The following TSNARE1 variants were observed in gnomAD, a reference collection of about 807,000 sequenced individuals.
TSNARE1 encodes the protein t-SNARE domain containing 1, also known as t-SNARE domain-containing protein 1.
TSNARE1 carries 49 observed loss-of-function variants against 62.0 expected under a neutral mutation model. That is an observed-to-expected ratio of 0.79 (90% CI 0.63 to 1.00). TSNARE1 has a LOEUF of 1.00. Ranked by LOEUF, TSNARE1 falls within the 50% of genes least tolerant of loss-of-function variation. TSNARE1 has a pLI of 0.00. For synonymous variants in TSNARE1, 328 were observed against 294.4 expected (o/e 1.11, Z -1.17); for missense variants, 755 against 700.1 (o/e 1.08, Z -0.88).
intron 1 of TSNARE1, among the ~76,000 whole-genome samples, chr8:142,391,362 G>A (rs185326867): frequency 1.9e-3 from 286 of 150,728 alleles, no homozygotes; most frequent in Middle Eastern, 0.014. Flanking sequence ...TGTAACAGAC[G>A]CTGTACACTG....
Position 142,331,777 on chromosome 8 carries a change from T to G in TSNARE1, c.800A>C (p.Asn267Thr), listed in dbSNP as rs573183661. ...ACCACTGGAGTTGATTCGGAAGACG[T>G]TGGCCGACATCTCCTGGAACAGCTC... is the stretch of plus-strand genomic sequence containing the variant. ...LQELFQEMSANVFRINSSVTS... is the reference protein window; with the variant it reads ...LQELFQEMSATVFRINSSVTS... Residue 267 changes from asparagine (N) to threonine (T), a missense_variant, in exon 5 of 14, where the codon AAC becomes ACC. Coordinates refer to ENST00000524325, the MANE Select transcript of TSNARE1 (RefSeq NM_145003.5). 6.2e-7 allele frequency: 1 copy of G among 1,605,188 alleles called. No individual in the cohort carries two copies. Among genetic ancestry groups the G allele is most frequent in the Non-Finnish European group, 8.5e-7 (1 of 1,176,058 alleles).
chr8:142,352,615 C>G (rs1412097534), intron 2 of TSNARE1, among the ~76,000 whole-genome samples: 1 of 152,286 alleles, frequency 6.6e-6, no homozygotes, highest in Admixed American at 6.5e-5. Context: ...ATCGAAGGAG[C>G]CACAGCCACG....
chr8:142,326,991 G>A (rs1830370275), intron 6 of TSNARE1, among the ~76,000 whole-genome samples: 1 of 152,188 alleles, frequency 6.6e-6, no homozygotes, highest in African/African-American at 2.4e-5. Flanking sequence ...GAGGTGGGGA[G>A]ACAGGAACCC....
intron 1 of TSNARE1, among the ~76,000 whole-genome samples, chr8:142,401,024 C>T (rs967930932): frequency 6.6e-6 from 1 of 152,210 alleles, no homozygotes; most frequent in Non-Finnish European, 1.5e-5. Flanking sequence ...GATGCACCCA[C>T]GCCGTGTCGC....
chr8:142,313,768 T>TTTTTTG (rs1001708876), intron 9 of TSNARE1, among the ~76,000 whole-genome samples: 1 of 152,186 alleles, frequency 6.6e-6, no homozygotes, highest in Non-Finnish European at 1.5e-5. Flanking sequence ...TGTGCCTGTG[T>TTTTTTG]TTTTTGTTTT....
chr8:142,397,704 G>A (rs956508471), intron 1 of TSNARE1, among the ~76,000 whole-genome samples: 1 of 152,170 alleles, frequency 6.6e-6, no homozygotes, highest in African/African-American at 2.4e-5. Flanking sequence ...CTTCCATGCT[G>A]GGGAGGGCTC....
intron 10 of TSNARE1, 30 bp from the exon 11 acceptor site, chr8:142,284,515 A>C (rs778620387): frequency 6.1e-5 from 98 of 1,599,374 alleles, no homozygotes; most frequent in Non-Finnish European, 6.8e-5. Context: ...CCACATCAGG[A>C]GCAGGGCTGT....
rs185095060 is a variant in TSNARE1 at position 142,237,688 on chromosome 8, G to C, written c.1447-8109C>G. On this transcript the variant is annotated intron_variant, in intron 12 of 13. Transcript: ENST00000524325. ...TGCAGACAGCCCCTTCCCAGAGCTCGGACGGGCCATGCTTGGACACTGTCA... is the reference window on the plus strand; with the variant it reads ...TGCAGACAGCCCCTTCCCAGAGCTCCGACGGGCCATGCTTGGACACTGTCA... Among the ~76,000 whole-genome samples the C allele has an allele frequency of 9.8e-5, 15 of 152,288 alleles. No individual in the cohort carries two copies. In the East Asian group the frequency reaches 2.9e-3, roughly 29 times the overall value.
At chr8:142,257,111 CG>C (rs1246655080) in intron 12 of TSNARE1, among the ~76,000 whole-genome samples, 2 of 152,190 alleles carry the variant, frequency 1.3e-5, no homozygotes, top group Non-Finnish European at 2.9e-5. Flanking sequence ...GACACCCTGA[CG>C]TGGGGCGGTG....
intron 12 of TSNARE1, among the ~76,000 whole-genome samples, chr8:142,239,315 C>G (rs529898905): frequency 6.6e-6 from 1 of 152,190 alleles, no homozygotes; most frequent in Admixed American, 6.5e-5. Context: ...CACAAGGAGC[C>G]TTAAAGCCCC....
chr8:142,279,788 C>A lies in TSNARE1; in HGVS notation c.1363+4625G>T, dbSNP rs1420748890. The A allele has an allele frequency of 4.9e-6, 4 of 816,316 alleles. No homozygotes were observed. The South Asian group carries it at 2.1e-4, about 42-fold the overall frequency. The allele number at this position is 816,316 out of a possible 1,614,324, so 50.6% of individuals were successfully genotyped here. A position where few individuals can be genotyped will look rare whatever the true frequency, so the allele number is the denominator to read the frequency against. ...TGGGAGCTGGTGCAGAAGGCTCAAG[C>A]CCACTCGCCGGCCCTGCTTGCCCCA... On this transcript the variant is annotated intron_variant, in intron 11 of 13. Coordinates refer to ENST00000524325, the MANE Select transcript of TSNARE1 (RefSeq NM_145003.5).
intron 11 of TSNARE1, chr8:142,275,794 C>T (rs573453626): frequency 1.0e-6 from 1 of 983,444 alleles, no homozygotes; most frequent in East Asian, 1.2e-4. Context: ...CCTCAGGGGT[C>T]TTAAGGCCTG....
At chr8:142,213,581 G>A (rs7013269) in intron 13 of TSNARE1, among the ~76,000 whole-genome samples, 9,470 of 152,230 alleles carry the variant, frequency 0.062, 1,042 homozygotes, top group African/African-American at 0.22. Flanking sequence ...GGCTGTGGGC[G>A]GCAAACTCCC....
At chr8:142,275,305 G>A in intron 11 of TSNARE1, 1 of 985,452 alleles carries the variant, frequency 1.0e-6, no homozygotes, top group Non-Finnish European at 1.2e-6. Flanking sequence ...GACCGGGTCT[G>A]CAAGCACAGG....
intron 1 of TSNARE1, among the ~76,000 whole-genome samples, chr8:142,387,775 C>A (rs1424429973): frequency 1.3e-5 from 2 of 151,904 alleles, no homozygotes; most frequent in Non-Finnish European, 2.9e-5. Flanking sequence ...AAAACGAAAA[C>A]AAAACAAAAA....
At chr8:142,271,246 T>G (rs1819505679) in intron 12 of TSNARE1, 1 of 1,019,878 alleles carries the variant, frequency 9.8e-7, no homozygotes, top group Non-Finnish European at 1.2e-6. Context: ...GGGTAGGGCG[T>G]GCTTCCACCA....
intron 4 of TSNARE1, among the ~76,000 whole-genome samples, chr8:142,334,863 CA>C (rs953442060): frequency 6.6e-6 from 1 of 152,166 alleles, no homozygotes; most frequent in Admixed American, 6.5e-5. Context: ...ATTTCAAACA[CA>C]GGGGCAGATT....
intron 1 of TSNARE1, among the ~76,000 whole-genome samples, chr8:142,390,195 G>C (rs1215027428): frequency 6.6e-6 from 1 of 152,270 alleles, no homozygotes; most frequent in Non-Finnish European, 1.5e-5. Flanking sequence ...TGAGTGGCAA[G>C]TGAATGTGAA....
At chr8:142,221,329 C>G (rs941270167) in intron 13 of TSNARE1, among the ~76,000 whole-genome samples, 12 of 152,348 alleles carry the variant, frequency 7.9e-5, no homozygotes, top group African/African-American at 2.4e-4. Flanking sequence ...TGCACACACA[C>G]GCAGGCACAT....
Sources: gnomAD v4.1 joint callset for allele counts (sites outside exome capture counted in the v4.1 genomes callset) on GRCh38, gnomAD v4.1.1 for gene constraint, MANE v1.5 for transcripts, NCBI Gene and HGNC (gene_info 2026-07-23, HGNC 2026-07-21) for gene names.